The following AUH variants were observed in gnomAD, a reference collection of about 807,000 sequenced individuals.
AUH encodes the protein methylglutaconyl-CoA hydratase, mitochondrial.
A neutral mutation model predicts 42.3 loss-of-function variants in AUH; 29 were observed. The observed-to-expected ratio is 0.69, with a 90% confidence interval of 0.51 to 0.93. AUH has a LOEUF of 0.93. Ranked by LOEUF, AUH falls within the 40% of genes least tolerant of loss-of-function variation. AUH has a pLI of 0.00. For missense variants in AUH, 452 were observed against 438.1 expected (o/e 1.03, Z -0.28); for synonymous variants, 174 against 166.4 (o/e 1.05, Z -0.35).
intron 3 of AUH, chr9:91,342,882 T>A (rs951231758): frequency 2.0e-5 from 3 of 152,400 alleles, no homozygotes; most frequent in African/African-American, 7.2e-5. Context: ...AGACAACCCC[T>A]CCTCTTTCTC....
intron 7 of AUH, among the ~76,000 whole-genome samples, chr9:91,217,892 T>A (rs953161800): frequency 5.9e-5 from 9 of 152,186 alleles, no homozygotes; most frequent in African/African-American, 2.2e-4. Context: ...TCTTTCAGGA[T>A]GCAGAAGAGT....
intron 6 of AUH, among the ~76,000 whole-genome samples, chr9:91,270,275 A>T (rs1336311610): frequency 6.6e-6 from 1 of 152,166 alleles, no homozygotes; most frequent in Non-Finnish European, 1.5e-5. Context: ...GGAGACTTCC[A>T]GGGCTGCTGG....
At chr9:91,304,776 G>C (rs1356852347) in intron 4 of AUH, among the ~76,000 whole-genome samples, 1 of 152,132 alleles carries the variant, frequency 6.6e-6, no homozygotes, top group East Asian at 1.9e-4. Context: ...GCTTAATGAA[G>C]TAAAAAAGCC....
intron 6 of AUH, among the ~76,000 whole-genome samples, chr9:91,246,548 C>T (rs1828805919): frequency 6.6e-6 from 1 of 152,110 alleles, no homozygotes; most frequent in Admixed American, 6.5e-5. Flanking sequence ...CAAATGAACA[C>T]GCTGAAATGA....
intron 6 of AUH, chr9:91,294,605 GAT>G: frequency 2.3e-6 from 1 of 430,938 alleles, no homozygotes; most frequent in South Asian, 1.7e-5. Context: ...CATAGACAGT[GAT>G]TCCTCTTATG....
At chr9:91,271,800 C>T (rs1187971920) in intron 6 of AUH, among the ~76,000 whole-genome samples, 1 of 152,170 alleles carries the variant, frequency 6.6e-6, no homozygotes, top group Non-Finnish European at 1.5e-5. Flanking sequence ...CCTGCCTCAG[C>T]CTCCTGAGCA....
intron 3 of AUH, among the ~76,000 whole-genome samples, chr9:91,353,243 C>A (rs547119017): frequency 6.6e-6 from 1 of 151,976 alleles, no homozygotes; most frequent in Admixed American, 6.6e-5. Context: ...CCTACTACCA[C>A]GCCCAGAAAA....
intron 6 of AUH, among the ~76,000 whole-genome samples, chr9:91,291,683 A>T (rs181793130): frequency 8.8e-4 from 134 of 152,318 alleles, no homozygotes; most frequent in African/African-American, 2.9e-3. Flanking sequence ...ATTTCACTGT[A>T]ACCTATGTTT....
chr9:91,308,933 G>A (rs950670328), intron 4 of AUH, among the ~76,000 whole-genome samples: 2 of 151,706 alleles, frequency 1.3e-5, no homozygotes, highest in Admixed American at 6.6e-5. Flanking sequence ...TGGCATTACA[G>A]GTGCCTACCA....
intron 3 of AUH, among the ~76,000 whole-genome samples, chr9:91,341,088 C>T (rs1311791260): frequency 6.6e-6 from 1 of 152,168 alleles, no homozygotes; most frequent in Non-Finnish European, 1.5e-5. Flanking sequence ...TTTGAAGTCT[C>T]CCTTTCTAAC....
intron 6 of AUH, among the ~76,000 whole-genome samples, chr9:91,222,450 C>G (rs1304690978): frequency 6.6e-6 from 1 of 152,200 alleles, no homozygotes; most frequent in Non-Finnish European, 1.5e-5. Flanking sequence ...TACAATAATG[C>G]TACCGCAAAA....
chr9:91,302,394 A>G (rs1827856264), intron 4 of AUH, among the ~76,000 whole-genome samples: 1 of 152,174 alleles, frequency 6.6e-6, no homozygotes, highest in Admixed American at 6.5e-5. Context: ...GTTTGAGACC[A>G]GCCTGACCAA....
chr9:91,286,384 C>A (rs1172612998), intron 6 of AUH, among the ~76,000 whole-genome samples: 1 of 152,126 alleles, frequency 6.6e-6, no homozygotes, highest in Non-Finnish European at 1.5e-5. Flanking sequence ...TTTCTGGTTC[C>A]ATGAAACCTC....
At chr9:91,268,226 T>C (rs1202314848) in intron 6 of AUH, among the ~76,000 whole-genome samples, 1 of 152,158 alleles carries the variant, frequency 6.6e-6, no homozygotes, top group African/African-American at 2.4e-5. Context: ...CACCTAAACT[T>C]TGGGTTAAAT....
chr9:91,319,022 T>A (rs367851320), intron 4 of AUH, among the ~76,000 whole-genome samples: 1 of 152,264 alleles, frequency 6.6e-6, no homozygotes, highest in African/African-American at 2.4e-5. Context: ...AGAAGTTTCA[T>A]ATTTATTGGC....
At chr9:91,278,582 A>G (rs1010398120) in intron 6 of AUH, among the ~76,000 whole-genome samples, 1 of 152,234 alleles carries the variant, frequency 6.6e-6, no homozygotes, top group African/African-American at 2.4e-5. Context: ...ATTTCAACGA[A>G]TGGAAAAATA....
At chr9:91,301,424 G>A (rs1408609122) in intron 4 of AUH, among the ~76,000 whole-genome samples, 1 of 152,160 alleles carries the variant, frequency 6.6e-6, no homozygotes, top group Non-Finnish European at 1.5e-5. Flanking sequence ...AGGAATTTGA[G>A]CCAGGTACAG....
chr9:91,318,951 C>T (rs551134817), intron 4 of AUH, among the ~76,000 whole-genome samples: 4 of 152,296 alleles, frequency 2.6e-5, no homozygotes, highest in Non-Finnish European at 5.9e-5. Flanking sequence ...CTACAAGCGG[C>T]GAGAAGTTGG....
intron 6 of AUH, among the ~76,000 whole-genome samples, chr9:91,282,094 T>C (rs1017940781): frequency 6.6e-6 from 1 of 152,154 alleles, no homozygotes; most frequent in Non-Finnish European, 1.5e-5. Context: ...TATCTCCTAT[T>C]GCTCTCCTCC....
Sources: gnomAD v4.1 joint callset for allele counts (sites outside exome capture counted in the v4.1 genomes callset) on GRCh38, gnomAD v4.1.1 for gene constraint, MANE v1.5 for transcripts, NCBI Gene and HGNC (gene_info 2026-07-23, HGNC 2026-07-21) for gene names.